The following CRACDL variants were observed in gnomAD, a reference collection of about 807,000 sequenced individuals.
CRACDL encodes the protein CRACD like.
Under a neutral mutation model 70.6 loss-of-function variants are expected in CRACDL, and 26 were observed. The observed-to-expected ratio is 0.37, with a 90% CI of 0.27 to 0.51. CRACDL has a LOEUF of 0.51. CRACDL is among the 20% of genes least tolerant of loss of function. The pLI is 0.94. For synonymous variants in CRACDL, 618 were observed against 615.2 expected, an observed-to-expected ratio of 1.00 and a Z score of -0.07; for missense variants, 1,283 against 1,376.9, an observed-to-expected ratio of 0.93 and a Z score of 1.08.
chr2:98,930,602 CCT>C (rs1463000972), intron 1 of CRACDL, among the ~76,000 whole-genome samples: 2 of 151,714 alleles, frequency 1.3e-5, no homozygotes, highest in Admixed American at 6.6e-5. Flanking sequence ...CTGTCCCACC[CCT>C]GTCCTGTGTC....
chr2:98,935,577 A>G (rs1010891971), intron 1 of CRACDL, among the ~76,000 whole-genome samples: 2 of 152,188 alleles, frequency 1.3e-5, no homozygotes, highest in African/African-American at 4.8e-5. Flanking sequence ...CAGTGGGCAT[A>G]AAGACCTCGT....
Position 98,830,883 on chromosome 2 carries a change from T to C in CRACDL, c.540+1465A>G, listed in dbSNP as rs77507376. On this transcript the variant is annotated intron_variant, in intron 5 of 9. Transcript: ENST00000397899. ...CTAAAGGCAGAGAACTGGGATGCTG[T>C]GAGAGTCAGAGACCTGTGGGATGGG... is the stretch of plus-strand genomic sequence containing the variant. 2.4e-4 allele frequency among the ~76,000 whole-genome samples: 37 copies of C among 152,250 alleles called. 1 individual carries two copies. The East Asian group carries it at 6.8e-3, about 28-fold the overall frequency.
Position 98,822,091 on chromosome 2 carries a change from A to C in CRACDL, c.2182T>G (p.Cys728Gly), listed in dbSNP as rs1185870749. ...AGGGCGGGGGCCGTCCCGAGGGGAC[A>C]CTTCTCCTCCTTCGGGAGCACGGTC... is the stretch of plus-strand genomic sequence containing the variant. ...SLTVLPKEEKCPLGTAPALRG... is the reference protein window; with the variant it reads ...SLTVLPKEEKGPLGTAPALRG... The change falls in exon 7 of 10, where the codon TGT becomes GGT. Residue 728 changes from cysteine (C) to glycine (G), a missense_variant. Around this residue, in one of 2 missense-constraint regions of CRACDL, gnomAD observed 921 missense variants for 881.9 expected, o/e 1.04. Transcript: ENST00000397899. This position sits in a 1 kb window ranked among gnomAD's most constrained non-coding sequence, Gnocchi z 4.9. 2 of 1,562,798 alleles carry C rather than the reference A, an allele frequency of 1.3e-6. No individual in the cohort carries two copies. The highest frequency in any genetic ancestry group is 1.7e-6 in the Non-Finnish European group (2 of 1,153,490).
intron 1 of CRACDL, among the ~76,000 whole-genome samples, chr2:98,914,304 G>A (rs891170992): frequency 1.2e-4 from 19 of 152,288 alleles, no homozygotes; most frequent in Non-Finnish European, 2.5e-4. Context: ...CCCACAGCAA[G>A]GAGCACCACC....
chr2:98,804,168 GTCT>G (rs368959557), intron 7 of CRACDL, among the ~76,000 whole-genome samples: 9 of 152,318 alleles, frequency 5.9e-5, no homozygotes, highest in African/African-American at 2.2e-4. Context: ...GCTCAACCAA[GTCT>G]TCTTCTCAAA....
At chr2:98,862,610 A>G (rs1706983036) in intron 1 of CRACDL, among the ~76,000 whole-genome samples, 1 of 152,244 alleles carries the variant, frequency 6.6e-6, no homozygotes, top group Non-Finnish European at 1.5e-5. Context: ...ACCAAAAAGA[A>G]ATCTGGGAGG....
chr2:98,815,203 G>A (rs1309141085), intron 7 of CRACDL, among the ~76,000 whole-genome samples: 1 of 152,072 alleles, frequency 6.6e-6, no homozygotes, highest in East Asian at 1.9e-4. Flanking sequence ...CTTTTTCCTC[G>A]AGAATTTTTT....
chr2:98,811,729 G>A (rs1191552112), intron 7 of CRACDL, among the ~76,000 whole-genome samples: 3 of 151,942 alleles, frequency 2.0e-5, no homozygotes, highest in Non-Finnish European at 2.9e-5. Flanking sequence ...GGCAACTACT[G>A]ATCTATTTGT....
chr2:98,822,692 G>T lies in CRACDL; in HGVS notation c.1581C>A (p.Pro527=). The change falls in exon 7 of 10, where the codon CCC becomes CCA. Residue 527 remains proline, a synonymous_variant. Transcript: ENST00000397899. This position sits in a 1 kb window ranked among gnomAD's most constrained non-coding sequence, Gnocchi z 4.9. ...CGGCGGCCTCTGCGTCGAGGGAACC[G>T]GGGCCGGGCTCCACCGGGGGAGACT... ...AAESPPVEPG[P]GSLDAEAAAP... 1 of 1,265,568 alleles carries T rather than the reference G, an allele frequency of 7.9e-7. No individual in the cohort carries two copies. The highest frequency in any genetic ancestry group is 9.9e-7 in the Non-Finnish European group (1 of 1,008,836). 78.4% of individuals were successfully genotyped at this position (1,265,568 alleles called of 1,614,324 possible). A position where few individuals can be genotyped will look rare whatever the true frequency, so the allele number is the denominator to read the frequency against.
In CRACDL at chr2:98,878,784, G is replaced by A. The variant is rs774991485; in HGVS notation, c.-10-31974C>T. On this transcript the variant is annotated intron_variant, in intron 1 of 9. Transcript: ENST00000397899. ...TGGCAAACGCATGGCTGACTGAGAG[G>A]CGCCCAGCATCACGAGAGAAGTACA... 4.3e-4 allele frequency among the ~76,000 whole-genome samples: 66 copies of A among 152,186 alleles called. 2 individuals are homozygous for A. The highest frequency in any genetic ancestry group is 1.3e-4 in the Non-Finnish European group (9 of 68,038).
At position 98,797,462 on chromosome 2, in the gene CRACDL, C is replaced by T. The variant is rs768252754; in HGVS notation, c.2492G>A (p.Arg831Gln). 27 of 1,614,090 alleles carry T rather than the reference C, an allele frequency of 1.7e-5. No homozygotes were observed. Among genetic ancestry groups the T allele is most frequent in the African/African-American group, 4.0e-5 (3 of 74,932 alleles). ...GTCCAAGGTCCCCCTCCGCTTCTGC[C>T]GAGTGACGGTGATCCAGGGTGGCGC... ...QPAPPWITVT[R>Q]QKRRGTLDQP... Residue 831 changes from arginine (R) to glutamine (Q), a missense_variant, in exon 8 of 10, where the codon CGG becomes CAG. By Grantham distance (43) the Arg-to-Gln change is conservative (BLOSUM62 1). This residue lies in a region of CRACDL where 921 missense variants were observed against 881.9 expected (regional missense o/e 1.04). Transcript: ENST00000397899.
rs959476560 is a variant in CRACDL at position 98,824,650 on chromosome 2, C to G, written c.736-1113G>C. ...ACCAAGAGTCACCCAGGCTATTGCT[C>G]TCTCCTTCCCCTTTTCTAAAGCAGG... On this transcript the variant is annotated intron_variant, in intron 6 of 9. Coordinates refer to ENST00000397899, the MANE Select transcript of CRACDL (RefSeq NM_207362.3). Among the ~76,000 whole-genome samples, 103 of 152,328 alleles carry G rather than the reference C, an allele frequency of 6.8e-4. 1 individual carries two copies. Among genetic ancestry groups the G allele is most frequent in the African/African-American group, 2.4e-3 (100 of 41,572 alleles).
chr2:98,854,071 C>A (rs1328116525), intron 1 of CRACDL, among the ~76,000 whole-genome samples: 1 of 151,888 alleles, frequency 6.6e-6, no homozygotes, highest in Non-Finnish European at 1.5e-5. Context: ...ATCACGAGGT[C>A]AGGAGTTCGA....
intron 9 of CRACDL, among the ~76,000 whole-genome samples, chr2:98,795,071 A>ATTTTTTTT (rs1391098955): frequency 1.8e-4 from 4 of 22,392 alleles, no homozygotes; most frequent in African/African-American, 2.3e-4. Flanking sequence ...ATATATATAT[A>ATTTTTTTT]TATATATTTT....
intron 1 of CRACDL, among the ~76,000 whole-genome samples, chr2:98,849,639 C>T (rs1176169102): frequency 6.6e-6 from 1 of 151,830 alleles, no homozygotes; most frequent in African/African-American, 2.4e-5. Flanking sequence ...TACTCTCAGC[C>T]AGAAGATGCA....
At chr2:98,842,362 G>A (rs1306566423) in intron 2 of CRACDL, among the ~76,000 whole-genome samples, 3 of 150,914 alleles carry the variant, frequency 2.0e-5, no homozygotes, top group African/African-American at 7.3e-5. Context: ...TATTTTAAAT[G>A]AACTTATTTA....
intron 1 of CRACDL, among the ~76,000 whole-genome samples, chr2:98,875,607 TG>T (rs1707469214): frequency 6.6e-6 from 1 of 152,232 alleles, no homozygotes. Context: ...GCTGGTGGTC[TG>T]GGCAGAAGAA....
At chr2:98,905,056 CT>C (rs1708373172) in intron 1 of CRACDL, among the ~76,000 whole-genome samples, 5 of 152,132 alleles carry the variant, frequency 3.3e-5, no homozygotes, top group Admixed American at 3.3e-4. Context: ...CGAGACCATC[CT>C]GGCTAACACA....
intron 1 of CRACDL, among the ~76,000 whole-genome samples, chr2:98,854,926 T>C (rs943022863): frequency 6.6e-6 from 1 of 152,266 alleles, no homozygotes; most frequent in African/African-American, 2.4e-5. Flanking sequence ...ATATGGACTG[T>C]GGATTACATA....
Sources: allele counts gnomAD v4.1 joint callset (sites outside exome capture counted in the v4.1 genomes callset), GRCh38; gene constraint gnomAD v4.1.1; regional missense constraint gnomAD v4.1.1; non-coding constraint Gnocchi (gnomAD v3.1); transcripts MANE v1.5; gene names NCBI Gene and HGNC (gene_info 2026-07-23, HGNC 2026-07-21).